PLCB1: variants seen among roughly 807,000 people sequenced by gnomAD.
The protein encoded by PLCB1 is 1-phosphatidylinositol 4,5-bisphosphate phosphodiesterase beta-1.
Under a neutral mutation model 161.8 loss-of-function variants are expected in PLCB1, and 46 were observed. That is an observed-to-expected ratio of 0.28 (90% CI 0.22 to 0.36). PLCB1 has a LOEUF of 0.36. Among genes scored for constraint, PLCB1 ranks in the 10% least tolerant of loss-of-function variants. The pLI is 1.00. For synonymous variants in PLCB1, 517 were observed against 503.7 expected (o/e 1.03, Z -0.35); for missense variants, 1,016 against 1,472.5 (o/e 0.69, Z 5.07).
At chr20:8,233,012 C>G (rs1174207282) in intron 2 of PLCB1, among the ~76,000 whole-genome samples, 1 of 152,112 alleles carries the variant, frequency 6.6e-6, no homozygotes, top group African/African-American at 2.4e-5. Context: ...GAGATGGTTG[C>G]CTCAGCCCTG....
intron 27 of PLCB1, among the ~76,000 whole-genome samples, chr20:8,787,368 G>A (rs77269830): frequency 2.0e-5 from 3 of 152,120 alleles, no homozygotes; most frequent in East Asian, 1.9e-4. Flanking sequence ...CAGTTTTTCC[G>A]GGGACTCCCT....
intron 19 of PLCB1, among the ~76,000 whole-genome samples, chr20:8,735,144 A>C (rs1980512991): frequency 6.6e-6 from 1 of 152,248 alleles, no homozygotes; most frequent in African/African-American, 2.4e-5. Flanking sequence ...GTACTGATAG[A>C]ATGCTACTTT....
chr20:8,816,234 T>C (rs1011024371), intron 31 of PLCB1, among the ~76,000 whole-genome samples: 10 of 152,080 alleles, frequency 6.6e-5, no homozygotes, highest in African/African-American at 2.2e-4. Flanking sequence ...AGAAATATTA[T>C]AAGAAACATT....
chr20:8,819,266 A>G (rs1255857455), intron 31 of PLCB1, among the ~76,000 whole-genome samples: 2 of 152,166 alleles, frequency 1.3e-5, no homozygotes, highest in East Asian at 1.9e-4. Context: ...ACATGTGGAG[A>G]AACTCAGGCT....
At chr20:8,734,773 A>C (rs771403600) in intron 19 of PLCB1, among the ~76,000 whole-genome samples, 12 of 152,094 alleles carry the variant, frequency 7.9e-5, no homozygotes, top group African/African-American at 2.9e-4. Flanking sequence ...TTTTCTGTTT[A>C]ACTGAATAAC....
intron 17 of PLCB1, among the ~76,000 whole-genome samples, chr20:8,728,122 A>G (rs192464138): frequency 1.3e-5 from 2 of 152,270 alleles, no homozygotes; most frequent in African/African-American, 2.4e-5. Flanking sequence ...CATCGTTAGT[A>G]TTCCTTATTG....
chr20:8,716,356 G>T lies in PLCB1; in HGVS notation c.1335+8G>T. 1 of 1,600,926 alleles carries T rather than the reference G, an allele frequency of 6.2e-7. No homozygotes were observed. ...CCCCTGGAAAAATATCCAGTAAGCA[G>T]TTCTGATGTTTGTCCTTGAAGGAAT... On this transcript the variant is annotated splice_region_variant and intron_variant, in intron 13 of 31. Coordinates refer to ENST00000338037, the MANE Select transcript of PLCB1 (RefSeq NM_015192.4).
rs529462639 is a variant in PLCB1 at position 8,703,432 on chromosome 20, T to A, written c.1168-5238T>A. Among the ~76,000 whole-genome samples, 4 of 152,190 alleles carry A rather than the reference T, an allele frequency of 2.6e-5. No homozygotes were observed. The East Asian group carries it at 7.7e-4, about 29-fold the overall frequency. Reference sequence around the variant, plus strand: ...GAAGGTGGGGGGCTAAATTAAGTCATCTGTAAGGCTAACATGGTAGAAGGT... The same window carrying A: ...GAAGGTGGGGGGCTAAATTAAGTCAACTGTAAGGCTAACATGGTAGAAGGT... On this transcript the variant is annotated intron_variant, in intron 11 of 31. Coordinates refer to ENST00000338037, the MANE Select transcript of PLCB1 (RefSeq NM_015192.4).
intron 9 of PLCB1, among the ~76,000 whole-genome samples, chr20:8,673,694 A>G (rs925153518): frequency 6.6e-6 from 1 of 152,218 alleles, no homozygotes; most frequent in Non-Finnish European, 1.5e-5. Flanking sequence ...CTATGATACA[A>G]TATCGTTTGA....
intron 2 of PLCB1, among the ~76,000 whole-genome samples, chr20:8,295,092 T>A (rs376462695): frequency 7.9e-5 from 12 of 152,172 alleles, no homozygotes; most frequent in African/African-American, 1.9e-4. Context: ...ATAATACCTG[T>A]TGGATAAAAC....
chr20:8,172,941 G>A (rs962417802), intron 2 of PLCB1, among the ~76,000 whole-genome samples: 5 of 152,152 alleles, frequency 3.3e-5, no homozygotes, highest in African/African-American at 1.2e-4. Context: ...GGTGGTTCAG[G>A]AAAGCTCCTT....
chr20:8,668,337 AGG>A (rs1989864933), intron 9 of PLCB1, among the ~76,000 whole-genome samples: 1 of 152,220 alleles, frequency 6.6e-6, no homozygotes, highest in Non-Finnish European at 1.5e-5. Flanking sequence ...TACAGTCTCT[AGG>A]ATGCCAGCTG....
At chr20:8,441,989 AAC>A (rs1323151945) in intron 3 of PLCB1, among the ~76,000 whole-genome samples, 3 of 152,192 alleles carry the variant, frequency 2.0e-5, no homozygotes, top group African/African-American at 7.2e-5. Flanking sequence ...TCAGATTTAA[AAC>A]ACACACACAT....
chr20:8,368,851 G>A (rs1183494261), intron 2 of PLCB1, among the ~76,000 whole-genome samples: 2 of 151,836 alleles, frequency 1.3e-5, no homozygotes, highest in Admixed American at 1.3e-4. Context: ...TCCTCTCTCT[G>A]AAACCACCAC....
At position 8,496,460 on chromosome 20, in the gene PLCB1, C is replaced by T. The variant is rs145726066; in HGVS notation, c.246+125010C>T. Among the ~76,000 whole-genome samples, 479 of 152,276 alleles carry T rather than the reference C, an allele frequency of 3.1e-3. 1 individual carries two copies. Among genetic ancestry groups the T allele is most frequent in the South Asian group, 0.016 (77 of 4,816 alleles). Reference sequence around the variant, plus strand: ...TGGAGGCTGCATTAAGCAGTGATCGCGCCACTGCGCCCCAGAGAGAGAGGG... The same window carrying T: ...TGGAGGCTGCATTAAGCAGTGATCGTGCCACTGCGCCCCAGAGAGAGAGGG... On this transcript the variant is annotated intron_variant, in intron 3 of 31. Transcript: ENST00000338037.
chr20:8,178,776 T>C (rs1188753232), intron 2 of PLCB1, among the ~76,000 whole-genome samples: 4 of 152,236 alleles, frequency 2.6e-5, no homozygotes, highest in Non-Finnish European at 5.9e-5. Flanking sequence ...GGTTTTACGT[T>C]TAAGTCTTTA....
chr20:8,847,821 A>G (rs1387944209), intron 31 of PLCB1, among the ~76,000 whole-genome samples: 1 of 152,274 alleles, frequency 6.6e-6, no homozygotes, highest in Non-Finnish European at 1.5e-5. Flanking sequence ...ATCAACAGCC[A>G]GATGAAGAGG....
chr20:8,876,700 G>A (rs1987792639), intron 31 of PLCB1, among the ~76,000 whole-genome samples: 1 of 152,176 alleles, frequency 6.6e-6, no homozygotes, highest in Non-Finnish European at 1.5e-5. Flanking sequence ...TGTTTAGCTG[G>A]TGGTCAGCTA....
intron 2 of PLCB1, among the ~76,000 whole-genome samples, chr20:8,296,386 C>G (rs1568621546): frequency 6.6e-6 from 1 of 152,096 alleles, no homozygotes; most frequent in Admixed American, 6.6e-5. Context: ...TGCTCTGAAC[C>G]TTTTTAACTT....
Sources: gnomAD v4.1 joint callset for allele counts (sites outside exome capture counted in the v4.1 genomes callset) on GRCh38, gnomAD v4.1.1 for gene constraint, MANE v1.5 for transcripts, NCBI Gene and HGNC (gene_info 2026-07-23, HGNC 2026-07-21) for gene names.